The following DZANK1 variants were observed in gnomAD, a reference collection of about 807,000 sequenced individuals.
DZANK1 encodes double zinc ribbon and ankyrin repeat domains 1.
Under a neutral mutation model 94.5 loss-of-function variants are expected in DZANK1, and 91 were observed. That is an observed-to-expected ratio of 0.96 (90% CI 0.81 to 1.15). The LOEUF (loss-of-function observed/expected upper bound fraction) is 1.15. DZANK1 is among the 50% of genes most tolerant of loss of function. DZANK1 has a pLI of 0.00. For synonymous variants in DZANK1, 312 were observed against 325.3 expected, an observed-to-expected ratio of 0.96 and a Z score of 0.44; for missense variants, 903 against 916.4, an observed-to-expected ratio of 0.99 and a Z score of 0.19.
chr20:18,457,721 C>A (rs1416714230), intron 3 of DZANK1, among the ~76,000 whole-genome samples: 2 of 152,174 alleles, frequency 1.3e-5, no homozygotes. Flanking sequence ...TTTAAAGGTA[C>A]AATCTTAAAG....
At chr20:18,411,209 G>A (rs2057240724) in intron 13 of DZANK1, among the ~76,000 whole-genome samples, 1 of 152,090 alleles carries the variant, frequency 6.6e-6, no homozygotes, top group Non-Finnish European at 1.5e-5. Context: ...AAAACCAAAA[G>A]TTGGTTCTTG....
At chr20:18,460,680 G>A (rs1275192269) in intron 2 of DZANK1, among the ~76,000 whole-genome samples, 1 of 151,794 alleles carries the variant, frequency 6.6e-6, no homozygotes, top group African/African-American at 2.4e-5. Flanking sequence ...AGTGAGCTGA[G>A]ATTGCGCCAC....
rs990602740 is a variant in DZANK1 at position 18,396,611 on chromosome 20, G to A, written c.1537-65C>T. The A allele has an allele frequency of 7.8e-6, 9 of 1,156,620 alleles. No individual in the cohort carries two copies. The Admixed American group carries it at 2.0e-4, about 26-fold the overall frequency. The allele number at this position is 1,156,620 out of a possible 1,614,324, so 71.6% of individuals were successfully genotyped here. A position where few individuals can be genotyped will look rare whatever the true frequency, so the allele number is the denominator to read the frequency against. Reference sequence around the variant, plus strand: ...GTGGGACTCATTGCCTTAAGTAACAGTGTACAAATTCTGAGATGTCAAACT... The same window carrying A: ...GTGGGACTCATTGCCTTAAGTAACAATGTACAAATTCTGAGATGTCAAACT... On this transcript the variant is annotated intron_variant, in intron 14 of 20. Coordinates refer to ENST00000262547, the Ensembl canonical transcript of DZANK1.
chr20:18,389,930 T>A, intron 18 of DZANK1, 102 bp from the exon 19 acceptor site: 1 of 1,524,546 alleles, frequency 6.6e-7, no homozygotes, highest in Non-Finnish European at 8.9e-7. Flanking sequence ...ACAGAGCTGA[T>A]GCAACTAAAG....
At chr20:18,410,020 G>C (rs983772544) in intron 13 of DZANK1, among the ~76,000 whole-genome samples, 2 of 134,510 alleles carry the variant, frequency 1.5e-5, no homozygotes, top group Non-Finnish European at 3.1e-5. Flanking sequence ...GTGGCAGAGC[G>C]AGACTCCGTC....
intron 19 of DZANK1, among the ~76,000 whole-genome samples, chr20:18,386,657 C>T (rs1399553443): frequency 2.0e-5 from 3 of 152,034 alleles, no homozygotes; most frequent in East Asian, 3.8e-4. Flanking sequence ...GAAAGACAGA[C>T]ATATGGAGTT....
chr20:18,410,131 G>A (rs2057178865), intron 13 of DZANK1, among the ~76,000 whole-genome samples: 1 of 151,820 alleles, frequency 6.6e-6, no homozygotes, highest in Non-Finnish European at 1.5e-5. Flanking sequence ...CTATAAATGG[G>A]GGAAAAGAAG....
chr20:18,409,409 A>G (rs1342180452), intron 13 of DZANK1, among the ~76,000 whole-genome samples: 1 of 152,214 alleles, frequency 6.6e-6, no homozygotes, highest in Non-Finnish European at 1.5e-5. Context: ...AAAGTGTTCA[A>G]AGAAAACAAC....
rs561387184 is a variant in DZANK1, at chr20:18,453,933, T to A, written c.379-106A>T. On this transcript the variant is annotated intron_variant, in intron 4 of 20. Transcript: ENST00000262547. The stretch of plus-strand genomic sequence containing the variant: ...GGTGTGCATTTCTTATTTGAAAGAG[T>A]TTATGGTCATTTGTACAAAGTGACC... The A allele has an allele frequency of 4.8e-6, 4 of 826,990 alleles. No individual in the cohort carries two copies. In the East Asian group the frequency reaches 9.7e-5, roughly 20 times the overall value. The allele number at this position is 826,990 out of a possible 1,614,324, so 51.2% of individuals were successfully genotyped here.
At chr20:18,448,540 C>T (rs755629349) in intron 7 of DZANK1, among the ~76,000 whole-genome samples, 1 of 151,984 alleles carries the variant, frequency 6.6e-6, no homozygotes, top group African/African-American at 2.4e-5. Context: ...TATTGTATGT[C>T]AATTATACTT....
chr20:18,406,204 G>T (rs969092412), intron 13 of DZANK1, among the ~76,000 whole-genome samples: 1 of 152,240 alleles, frequency 6.6e-6, no homozygotes, highest in East Asian at 1.9e-4. Flanking sequence ...GTGACCTAGG[G>T]AGACACCAGC....
chr20:18,449,755 CAAA>C (rs55784090), intron 6 of DZANK1, among the ~76,000 whole-genome samples: 21 of 99,032 alleles, frequency 2.1e-4, no homozygotes, highest in Admixed American at 3.4e-4. Flanking sequence ...GACTCTGTCT[CAAA>C]AAAAAAAAAA....
Position 18,441,343 on chromosome 20 carries a change from C to A in DZANK1, c.747+2004G>T, listed in dbSNP as rs770011961. Among the ~76,000 whole-genome samples the A allele has an allele frequency of 6.6e-6, 1 of 152,156 alleles. No homozygotes were observed. On this transcript the variant is annotated intron_variant, in intron 8 of 20. Transcript: ENST00000262547. This position sits in a 1 kb window ranked among gnomAD's most constrained non-coding sequence, Gnocchi z 4.1. ...AAACCACTTCCAAAATCCCATTTCC[C>A]AGTTTATTTCCTGGGACCAATCCCA...
rs571525943 is a variant in DZANK1, at chr20:18,434,012, C to G, written c.748-247G>C. ...GATATGCTAATTACTCTGATTTGAC[C>G]ACTACACATTATTTGTATCAAATAA... On this transcript the variant is annotated intron_variant, in intron 8 of 20. Coordinates refer to ENST00000262547, the Ensembl canonical transcript of DZANK1. The G allele has an allele frequency of 4.2e-5, 18 of 432,046 alleles. No homozygotes were observed. The East Asian group carries it at 5.9e-4, about 14-fold the overall frequency. The allele number at this position is 432,046 out of a possible 1,614,324, so 26.8% of individuals were successfully genotyped here.
chr20:18,397,549 C>T (rs918193353), intron 14 of DZANK1, among the ~76,000 whole-genome samples: 5 of 152,204 alleles, frequency 3.3e-5, no homozygotes, highest in Non-Finnish European at 5.9e-5. Flanking sequence ...TCAAATAAGG[C>T]TTCTTCTGAC....
At chr20:18,389,275 A>T (rs1055364483) in intron 19 of DZANK1, among the ~76,000 whole-genome samples, 5 of 152,136 alleles carry the variant, frequency 3.3e-5, no homozygotes, top group African/African-American at 1.2e-4. Context: ...CAGTGGTGTG[A>T]GATCTGGAGA....
intron 7 of DZANK1, among the ~76,000 whole-genome samples, chr20:18,446,065 A>C (rs1184823054): frequency 2.3e-5 from 1 of 42,750 alleles, no homozygotes; most frequent in Non-Finnish European, 5.3e-5. Context: ...ACGCCCAGCC[A>C]AAAAAAAAAA....
chr20:18,384,908 G>A, intron 20 of DZANK1, 108 bp downstream of exon 20: 1 of 1,069,518 alleles, frequency 9.4e-7, no homozygotes, highest in Admixed American at 2.4e-5. Context: ...TGGTCCCCAT[G>A]GACAGGGACA....
At chr20:18,429,643 G>A (rs145196694) in intron 9 of DZANK1, among the ~76,000 whole-genome samples, 29 of 152,272 alleles carry the variant, frequency 1.9e-4, no homozygotes, top group African/African-American at 3.6e-4. Context: ...CACTCACTCC[G>A]TTTAAATACC....
Sources: gnomAD v4.1 joint callset for allele counts (sites outside exome capture counted in the v4.1 genomes callset) on GRCh38, gnomAD v4.1.1 for gene constraint, Gnocchi (gnomAD v3.1) non-coding constraint, MANE v1.5 for transcripts, NCBI Gene and HGNC (gene_info 2026-07-23, HGNC 2026-07-21) for gene names.